The following TRPS1 variants were observed in gnomAD, a reference collection of about 807,000 sequenced individuals.
The protein encoded by TRPS1 is transcriptional repressor GATA binding 1.
Under a neutral mutation model 101.2 loss-of-function variants are expected in TRPS1, and 6 were observed. That is an observed-to-expected ratio of 0.06 (90% CI 0.03 to 0.12). The LOEUF (loss-of-function observed/expected upper bound fraction) is 0.12. Among genes scored for constraint, TRPS1 ranks in the 10% least tolerant of loss-of-function variants. TRPS1 has a pLI of 1.00. For missense variants in TRPS1, 1,363 were observed against 1,567.0 expected (o/e 0.87, Z 2.20); for synonymous variants, 578 against 589.8 (o/e 0.98, Z 0.29).
intron 5 of TRPS1, among the ~76,000 whole-genome samples, chr8:115,441,996 C>T (rs1813611633): frequency 6.6e-6 from 1 of 151,550 alleles, no homozygotes; most frequent in Admixed American, 6.6e-5. Context: ...TTTGAAGCAC[C>T]AGCATAACTT....
rs551702903 is a variant in TRPS1, at chr8:115,637,167, G to A, written c.-121-13409C>T. The A allele has an allele frequency of 1.7e-3, 1,436 of 824,558 alleles. 2 individuals carry two copies. Among genetic ancestry groups the A allele is most frequent in the Non-Finnish European group, 2.0e-3 (1,376 of 684,168 alleles). 51.1% of individuals were successfully genotyped at this position (824,558 alleles called of 1,614,324 possible). On this transcript the variant is annotated intron_variant, in intron 1 of 6. Transcript: ENST00000395715. ...GCAAACAGGAGTAAGAGAAACAAAC[G>A]GTTGCTAACAATATTAACATATGTC... is the stretch of plus-strand genomic sequence containing the variant.
chr8:115,554,009 T>C (rs1816761502), intron 5 of TRPS1, among the ~76,000 whole-genome samples: 1 of 152,216 alleles, frequency 6.6e-6, no homozygotes. Context: ...CAAAAATTCT[T>C]AAAATGTATT....
rs371852028 is a variant in TRPS1 at position 115,460,990 on chromosome 8, C to T, written c.2701-42538G>A. The stretch of plus-strand genomic sequence containing the variant: ...AAGTATTTACAAGGCCCCACAATAG[C>T]ATAGTCACTAACAGTTTTGCCTGAG... On this transcript the variant is annotated intron_variant, in intron 5 of 6. Transcript: ENST00000395715. Among the ~76,000 whole-genome samples the T allele has an allele frequency of 2.6e-5, 4 of 152,136 alleles. No individual in the cohort carries two copies. In the East Asian group the frequency reaches 5.8e-4, roughly 22 times the overall value.
intron 3 of TRPS1, among the ~76,000 whole-genome samples, chr8:115,610,398 C>G (rs148090549): frequency 6.6e-4 from 101 of 152,300 alleles, no homozygotes; most frequent in African/African-American, 2.3e-3. Context: ...TTCAAAAAAA[C>G]ATTCTAGAAT....
chr8:115,541,224 T>C (rs1439616829), intron 5 of TRPS1, among the ~76,000 whole-genome samples: 1 of 152,158 alleles, frequency 6.6e-6, no homozygotes, highest in Non-Finnish European at 1.5e-5. Context: ...AGATGGTGCA[T>C]TTTACCAAGA....
At chr8:115,421,017 C>T (rs758890906) in intron 5 of TRPS1, among the ~76,000 whole-genome samples, 1 of 149,678 alleles carries the variant, frequency 6.7e-6, no homozygotes, top group Admixed American at 6.6e-5. Context: ...GACAGAGTCT[C>T]ACTCACCCAG....
intron 5 of TRPS1, among the ~76,000 whole-genome samples, chr8:115,518,061 C>CA (rs372028311): frequency 1 from 151,691 of 151,694 alleles, 75,844 homozygotes; most frequent in Middle Eastern, 1. Context: ...GGTCATATCC[C>CA]AGAAGAACTT....
intron 5 of TRPS1, among the ~76,000 whole-genome samples, chr8:115,496,340 T>C (rs1815148530): frequency 6.6e-6 from 1 of 152,156 alleles, no homozygotes; most frequent in South Asian, 2.1e-4. Flanking sequence ...ACCATTGTGT[T>C]ATGGAAATAA....
chr8:115,564,472 A>G (rs1817019926), intron 5 of TRPS1, among the ~76,000 whole-genome samples: 1 of 152,152 alleles, frequency 6.6e-6, no homozygotes, highest in South Asian at 2.1e-4. Flanking sequence ...GTCTATTTAT[A>G]CAAACGATTG....
At position 115,414,034 on chromosome 8, in the gene TRPS1, G is replaced by A; in HGVS notation, c.3874C>T (p.Pro1292Ser). 1 of 1,613,326 alleles carries A rather than the reference G, an allele frequency of 6.2e-7. No homozygotes were observed. The highest frequency in any genetic ancestry group is 8.5e-7 in the Non-Finnish European group (1 of 1,179,696). The change falls in exon 7 of 7, where the codon CCT becomes TCT. Residue 1292 changes from proline (P) to serine (S), a missense_variant. Around this residue, in one of 5 missense-constraint regions of TRPS1, gnomAD observed 307 missense variants for 392.4 expected, o/e 0.78. Transcript: ENST00000395715. This position sits in a 1 kb window ranked among gnomAD's most constrained non-coding sequence, Gnocchi z 4.8. Reference sequence around the variant, plus strand: ...TAAGTGCTAAGGTTTTACTCTTTAGGTTTTCCATTTTTTTCCACTTGTGCA... The same window carrying A: ...TAAGTGCTAAGGTTTTACTCTTTAGATTTTCCATTTTTTTCCACTTGTGCA... Reference protein sequence around the residue: ...NNAQVEKNGKPKE With the variant: ...NNAQVEKNGKSKE
chr8:115,609,356 G>A (rs1355417018), intron 3 of TRPS1, among the ~76,000 whole-genome samples: 1 of 152,180 alleles, frequency 6.6e-6, no homozygotes, highest in Non-Finnish European at 1.5e-5. Flanking sequence ...ATTCTTAGCT[G>A]TAAATGCAAA....
At chr8:115,526,575 G>A (rs1816004631) in intron 5 of TRPS1, among the ~76,000 whole-genome samples, 1 of 152,132 alleles carries the variant, frequency 6.6e-6, no homozygotes, top group African/African-American at 2.4e-5. Flanking sequence ...CTGAAAGCAA[G>A]AGAGAAGAGA....
intron 2 of TRPS1, among the ~76,000 whole-genome samples, chr8:115,621,768 T>C (rs192096998): frequency 6.6e-6 from 1 of 151,710 alleles, no homozygotes; most frequent in Admixed American, 6.6e-5. Flanking sequence ...ATACAAAAAT[T>C]AGCTGGGTGT....
intron 1 of TRPS1, among the ~76,000 whole-genome samples, chr8:115,650,343 G>A (rs1438211917): frequency 6.6e-6 from 1 of 152,176 alleles, no homozygotes; most frequent in East Asian, 1.9e-4. Context: ...GCTTTGGAAT[G>A]TTTTGTTTTT....
At position 115,436,940 on chromosome 8, in the gene TRPS1, T is replaced by G. The variant is rs1040532610; in HGVS notation, c.2701-18488A>C. ...AAAGCAGTAAAAAATAAAAAAAAAG[T>G]CAATACATTTCATAGATACAGACGT... On this transcript the variant is annotated intron_variant, in intron 5 of 6. Coordinates refer to ENST00000395715, the MANE Select transcript of TRPS1 (RefSeq NM_014112.5). Among the ~76,000 whole-genome samples the G allele has an allele frequency of 3.7e-3, 304 of 81,290 alleles. 1 individual carries two copies. The highest frequency in any genetic ancestry group is 9.2e-3 in the African/African-American group (292 of 31,878). The allele number at this position is 81,290 out of a possible 152,430, so 53.3% of individuals were successfully genotyped here.
chr8:115,445,406 T>C (rs77067061), intron 5 of TRPS1, among the ~76,000 whole-genome samples: 5,592 of 152,294 alleles, frequency 0.037, 393 homozygotes, highest in African/African-American at 0.13. Flanking sequence ...AACCTTTCTT[T>C]AGTGAGTTCT....
At chr8:115,447,615 G>A (rs1813769726) in intron 5 of TRPS1, among the ~76,000 whole-genome samples, 1 of 151,888 alleles carries the variant, frequency 6.6e-6, no homozygotes, top group African/African-American at 2.4e-5. Context: ...GTTTCTTTTT[G>A]GAGGAAAAAA....
At chr8:115,654,019 TG>T (rs2044288079) in intron 1 of TRPS1, among the ~76,000 whole-genome samples, 2 of 152,254 alleles carry the variant, frequency 1.3e-5, no homozygotes, top group South Asian at 4.1e-4. Context: ...TTCACTTATG[TG>T]GGCATTCACC....
intron 6 of TRPS1, 110 bp from the exon 7 acceptor site, chr8:115,415,194 G>A: frequency 8.7e-7 from 1 of 1,154,722 alleles, no homozygotes; most frequent in Non-Finnish European, 1.2e-6. Flanking sequence ...GCAGGGATAG[G>A]CTTTCTGCTG....
Sources: allele counts gnomAD v4.1 joint callset (sites outside exome capture counted in the v4.1 genomes callset), GRCh38; gene constraint gnomAD v4.1.1; regional missense constraint gnomAD v4.1.1; non-coding constraint Gnocchi (gnomAD v3.1); transcripts MANE v1.5; gene names NCBI Gene and HGNC (gene_info 2026-07-23, HGNC 2026-07-21).